Variants in ZNF790 observed in about 807,000 individuals in gnomAD.
The protein encoded by ZNF790 is zinc finger protein 790.
In ZNF790, 8 loss-of-function variants were observed where a neutral mutation model predicts 12.1. The ratio of observed to expected loss-of-function variants is 0.66; its 90% CI spans 0.39 to 1.19. The LOEUF (loss-of-function observed/expected upper bound fraction) is 1.19. Among genes scored for constraint, ZNF790 ranks in the 50% most tolerant of loss-of-function variants. ZNF790 has a pLI of 0.01. For missense variants in ZNF790, 707 were observed against 752.2 expected, an observed-to-expected ratio of 0.94 and a Z score of 0.70; for synonymous variants, 252 against 244.3, an observed-to-expected ratio of 1.03 and a Z score of -0.29.
At chr19:36,836,064 C>CAGG (rs2072038649) in intron 1 of ZNF790, among the ~76,000 whole-genome samples, 12 of 151,948 alleles carry the variant, frequency 7.9e-5, no homozygotes, top group African/African-American at 2.9e-4. Flanking sequence ...CTACCTTGAC[C>CAGG]CCCCTTCTAT....
At chr19:36,825,494 A>C in intron 2 of ZNF790, 117 bp downstream of exon 2, 2 of 1,102,400 alleles carry the variant, frequency 1.8e-6, no homozygotes, top group Non-Finnish European at 2.8e-6. Flanking sequence ...TTTCACAGTC[A>C]TTACTTATGA....
intron 1 of ZNF790, among the ~76,000 whole-genome samples, chr19:36,831,325 A>G (rs554264085): frequency 2.7e-5 from 4 of 150,446 alleles, no homozygotes; most frequent in Non-Finnish European, 5.9e-5. Context: ...GCAAAAATAT[A>G]CGATCTCAGG....
In ZNF790 at chr19:36,825,319, A is replaced by G. The variant is rs568144669; in HGVS notation, c.9+292T>C. Reference sequence around the variant, plus strand: ...TTATTCTATCCCCTCTTGTTAAGCCACAGGTTTGAAATGAAAAGTCTTTAC... The same window carrying G: ...TTATTCTATCCCCTCTTGTTAAGCCGCAGGTTTGAAATGAAAAGTCTTTAC... On this transcript the variant is annotated intron_variant, in intron 2 of 4. Coordinates refer to ENST00000356725, the MANE Select transcript of ZNF790 (RefSeq NM_206894.4). Among the ~76,000 whole-genome samples, 3 of 152,342 alleles carry G rather than the reference A, an allele frequency of 2.0e-5. No individual in the cohort carries two copies. In the East Asian group the frequency reaches 5.8e-4, roughly 29 times the overall value.
intron 1 of ZNF790, chr19:36,837,553 C>T (rs1196501406): frequency 6.6e-6 from 1 of 152,180 alleles, no homozygotes; most frequent in African/African-American, 2.4e-5. Context: ...GGGTATTTTC[C>T]CCCTATATCT....
chr19:36,819,398 T>G lies in ZNF790; in HGVS notation c.946A>C (p.Arg316=). Reference sequence around the variant, plus strand: ...TGTGATCGCTGACTAAAGGCCTTTCTACATTCATTACATTCATAGGGTTTT... The same window carrying G: ...TGTGATCGCTGACTAAAGGCCTTTCGACATTCATTACATTCATAGGGTTTT... ...GEKPYECNEC[R]KAFSQRSHLI... The change falls in exon 5 of 5, where the codon AGA becomes CGA. Residue 316 remains arginine, a synonymous_variant. Transcript: ENST00000356725. 1 of 1,612,000 alleles carries G rather than the reference T, an allele frequency of 6.2e-7. No individual in the cohort carries two copies. The highest frequency in any genetic ancestry group is 1.1e-5 in the South Asian group (1 of 90,948).
upstream of ZNF790, among the ~76,000 whole-genome samples, chr19:36,838,537 A>G (rs567563936): frequency 1.5e-3 from 224 of 152,286 alleles, 1 homozygote; most frequent in Non-Finnish European, 2.6e-3. The surrounding 1 kb of genome is among the most constrained non-coding windows in gnomAD (Gnocchi z 4.4). Flanking sequence ...CTCGCTGGGC[A>G]AAGACCATCG....
At chr19:36,827,231 C>T (rs902908304) in intron 1 of ZNF790, among the ~76,000 whole-genome samples, 2 of 148,230 alleles carry the variant, frequency 1.3e-5, no homozygotes, top group Non-Finnish European at 3.0e-5. Context: ...ACAGCCTGGG[C>T]TCCAGAGTCA....
chr19:36,817,519 A>G lies in ZNF790; in HGVS notation c.*914T>C, dbSNP rs1412045260. 3 of 152,082 alleles carry G rather than the reference A, an allele frequency of 2.0e-5. No individual in the cohort carries two copies. The highest frequency in any genetic ancestry group is 2.9e-5 in the Non-Finnish European group (2 of 68,014). 9.4% of individuals were successfully genotyped at this position (152,082 alleles called of 1,614,324 possible). ...AGAGATGACATATTTGTCTATAATC[A>G]TTATAGTCTTAAAAGTCCTCCTCTC... On this transcript the variant is annotated 3_prime_UTR_variant, in exon 5 of 5. Coordinates refer to ENST00000356725, the MANE Select transcript of ZNF790 (RefSeq NM_206894.4).
chr19:36,818,777 G>A lies in ZNF790; in HGVS notation c.1567C>T (p.Arg523Ter), dbSNP rs147371360. 2.8e-5 allele frequency: 45 copies of A among 1,609,726 alleles called. No individual in the cohort carries two copies. The highest frequency in any genetic ancestry group is 2.7e-4 in the African/African-American group (20 of 74,584). ...KAFLWGSQLTRHQRMHTGEEP... is the reference protein window; with the variant it reads ...KAFLWGSQLT Reference sequence around the variant, plus strand: ...TCACCAGTATGCATTCTCTGATGTCGAGTAAGTTGTGAACCCCAGAGAAAG... The same window carrying A: ...TCACCAGTATGCATTCTCTGATGTCAAGTAAGTTGTGAACCCCAGAGAAAG... The change falls in exon 5 of 5, where the codon CGA becomes TGA. Residue 523 changes from arginine to a stop codon, truncating the protein, a stop_gained. Transcript: ENST00000356725. LOFTEE classifies it low-confidence loss of function (END_TRUNC).
At chr19:36,835,312 C>T (rs2072024262) in intron 1 of ZNF790, among the ~76,000 whole-genome samples, 1 of 152,022 alleles carries the variant, frequency 6.6e-6, no homozygotes, top group South Asian at 2.1e-4. Flanking sequence ...AATAAAATTT[C>T]ATTAATACAC....
At chr19:36,834,184 G>A (rs944308798) in intron 1 of ZNF790, among the ~76,000 whole-genome samples, 2 of 150,234 alleles carry the variant, frequency 1.3e-5, no homozygotes, top group Non-Finnish European at 3.0e-5. Context: ...CAGAGCTTGC[G>A]GTGAGCCGAG....
chr19:36,842,532 T>C (rs539261562), upstream of ZNF790, among the ~76,000 whole-genome samples: 1 of 152,132 alleles, frequency 6.6e-6, no homozygotes, highest in East Asian at 1.9e-4. Flanking sequence ...AAAAAGGTAT[T>C]CACCTTCATA....
intron 2 of ZNF790, among the ~76,000 whole-genome samples, chr19:36,824,285 C>T (rs942576185): frequency 6.6e-6 from 1 of 151,424 alleles, no homozygotes; most frequent in Non-Finnish European, 1.5e-5. Context: ...GTGTGAGCCA[C>T]GACACCCAGC....
At chr19:36,834,495 G>A (rs528893136) in intron 1 of ZNF790, among the ~76,000 whole-genome samples, 1 of 152,268 alleles carries the variant, frequency 6.6e-6, no homozygotes, top group Admixed American at 6.5e-5. Flanking sequence ...TCATCAGTTA[G>A]GAAAACCACA....
At chr19:36,843,884 T>C (rs2072151393) in intron 1 of ZNF790, among the ~76,000 whole-genome samples, 1 of 151,708 alleles carries the variant, frequency 6.6e-6, no homozygotes, top group South Asian at 2.1e-4. Context: ...GGCACATGTC[T>C]GTAATCCCAG....
At chr19:36,827,124 A>ACACACACACG (rs2071829735) in intron 1 of ZNF790, among the ~76,000 whole-genome samples, 1 of 68,382 alleles carries the variant, frequency 1.5e-5, no homozygotes, top group Non-Finnish European at 2.7e-5. Flanking sequence ...ACATACACAC[A>ACACACACACG]CACACACACA....
At chr19:36,823,539 C>T in intron 3 of ZNF790, 128 bp downstream of exon 3, 1 of 1,336,516 alleles carries the variant, frequency 7.5e-7, no homozygotes, top group Non-Finnish European at 1.0e-6. Flanking sequence ...ATAACTATTG[C>T]CAGATTTACA....
chr19:36,845,815 G>C (rs1355746364), intron 1 of ZNF790, among the ~76,000 whole-genome samples: 3 of 150,894 alleles, frequency 2.0e-5, no homozygotes, highest in East Asian at 1.9e-4. Flanking sequence ...TTTTTTTGAG[G>C]GGGGTGGTGG....
chr19:36,831,804 C>A (rs1483915553), intron 1 of ZNF790, among the ~76,000 whole-genome samples: 2 of 151,910 alleles, frequency 1.3e-5, no homozygotes, highest in Non-Finnish European at 2.9e-5. Context: ...GATGAATTTC[C>A]TGAAATAGAG....
Sources: allele counts gnomAD v4.1 joint callset (sites outside exome capture counted in the v4.1 genomes callset), GRCh38; gene constraint gnomAD v4.1.1; non-coding constraint Gnocchi (gnomAD v3.1); transcripts MANE v1.5; gene names NCBI Gene and HGNC (gene_info 2026-07-23, HGNC 2026-07-21).